USP34: variants seen among roughly 807,000 people sequenced by gnomAD.
USP34 encodes ubiquitin specific peptidase 34, also known as ubiquitin carboxyl-terminal hydrolase 34.
In USP34, 70 loss-of-function variants were observed where a neutral mutation model predicts 460.3. The ratio of observed to expected loss-of-function variants is 0.15; its 90% CI spans 0.13 to 0.19. The LOEUF is 0.19. USP34 is among the 10% of genes least tolerant of loss of function. The probability of loss-of-function intolerance (pLI) is 1.00; values close to 1 mark genes in which losing one functional copy is unlikely to be tolerated. For synonymous variants in USP34, 1,647 were observed against 1,405.3 expected (o/e 1.17, Z -3.85); for missense variants, 3,985 against 4,236.2 (o/e 0.94, Z 1.65).
chr2:61,403,529 A>G (rs975654165), intron 3 of USP34, among the ~76,000 whole-genome samples: 2 of 152,214 alleles, frequency 1.3e-5, no homozygotes, highest in African/African-American at 4.8e-5. Flanking sequence ...TTGTTGAAAA[A>G]AGATTACTTT....
chr2:61,276,708 C>G (rs375491660), intron 41 of USP34, among the ~76,000 whole-genome samples: 3 of 152,222 alleles, frequency 2.0e-5, no homozygotes, highest in African/African-American at 7.2e-5. Flanking sequence ...CTTCAATCAA[C>G]AAGGCTGTAA....
chr2:61,271,259 G>A (rs778969966), intron 41 of USP34, among the ~76,000 whole-genome samples: 4 of 152,134 alleles, frequency 2.6e-5, no homozygotes, highest in Admixed American at 6.5e-5. Context: ...GACCGAGATC[G>A]CACCACTGCA....
intron 6 of USP34, among the ~76,000 whole-genome samples, chr2:61,381,384 G>A (rs545489980): frequency 1.3e-5 from 2 of 151,752 alleles, no homozygotes; most frequent in Admixed American, 6.6e-5. Flanking sequence ...TGTCACTCAC[G>A]CTGGAGTGCA....
intron 58 of USP34, among the ~76,000 whole-genome samples, chr2:61,230,689 A>G (rs1232495956): frequency 6.6e-6 from 1 of 151,922 alleles, no homozygotes; most frequent in Non-Finnish European, 1.5e-5. Context: ...CTAAAAATAC[A>G]AAAAATTAGC....
In USP34 at chr2:61,470,698, G is replaced by C. The variant is rs1248663432; in HGVS notation, c.-6C>G. The C allele has an allele frequency of 1.3e-6, 2 of 1,591,054 alleles. No homozygotes were observed. The highest frequency in any genetic ancestry group is 1.7e-6 in the Non-Finnish European group (2 of 1,169,240). ...TCTGCGCAGTTCTCGCACATCGTTC[G>C]GCCGCCGCCCCCCCCCTCCCCCGCT... On this transcript the variant is annotated 5_prime_UTR_variant, in exon 1 of 80. Transcript: ENST00000398571.
intron 23 of USP34, 128 bp from the exon 24 acceptor site, chr2:61,315,102 T>C: frequency 1.6e-6 from 1 of 644,230 alleles, no homozygotes; most frequent in Admixed American, 3.4e-5. Context: ...TAAAAATAAA[T>C]GATTTAAAAA....
chr2:61,380,650 T>C (rs1429800842), intron 6 of USP34, among the ~76,000 whole-genome samples: 1 of 152,228 alleles, frequency 6.6e-6, no homozygotes, highest in Admixed American at 6.5e-5. Context: ...GCTATTCCTC[T>C]CATCAAAAGG....
intron 75 of USP34, among the ~76,000 whole-genome samples, chr2:61,196,832 T>C (rs1686824532): frequency 6.6e-6 from 1 of 152,160 alleles, no homozygotes; most frequent in Non-Finnish European, 1.5e-5. Flanking sequence ...CACATCCAGC[T>C]AAATATAAAG....
At chr2:61,352,564 G>A (rs1018317160) in intron 10 of USP34, among the ~76,000 whole-genome samples, 2 of 151,716 alleles carry the variant, frequency 1.3e-5, no homozygotes, top group African/African-American at 2.4e-5. Flanking sequence ...CTAAGCTCAA[G>A]TGATCCTCTT....
chr2:61,310,651 T>C (rs1690562569), intron 27 of USP34, among the ~76,000 whole-genome samples: 1 of 150,308 alleles, frequency 6.7e-6, no homozygotes, highest in Non-Finnish European at 1.5e-5. Context: ...ATAAAAGATA[T>C]CAGAAATATA....
rs777545812 is a variant in USP34 at position 61,190,638 on chromosome 2, G to A, written c.9609C>T (p.Cys3203=). ...CAGGATCTTCACACAAAAGCTTGAT[G>A]CAGTTTTTTGACATAGCAGACTAAA... The part of the protein sequence containing the change: ...CQTQSAMSKN[C]IKLLCEDPVF... The change falls in exon 77 of 80, where the codon TGC becomes TGT. Residue 3203 remains cysteine, a synonymous_variant. Transcript: ENST00000398571. 1.7e-5 allele frequency: 27 copies of A among 1,613,786 alleles called. No homozygotes were observed. In the South Asian group the frequency reaches 2.7e-4, roughly 16 times the overall value.
intron 18 of USP34, among the ~76,000 whole-genome samples, chr2:61,335,238 C>T (rs1486134827): frequency 6.6e-6 from 1 of 152,088 alleles, no homozygotes; most frequent in Non-Finnish European, 1.5e-5. Context: ...TAGAATTTCT[C>T]CTATAATGAC....
intron 67 of USP34, among the ~76,000 whole-genome samples, chr2:61,218,158 A>C (rs894368911): frequency 1.4e-5 from 2 of 148,102 alleles, no homozygotes; most frequent in Admixed American, 7.0e-5. Flanking sequence ...TTGGGGGTTC[A>C]GCATAGTTTT....
chr2:61,226,918 A>T (rs1687745403), intron 62 of USP34, 149 bp downstream of exon 62: 1 of 1,002,544 alleles, frequency 1.0e-6, no homozygotes, highest in African/African-American at 1.7e-5. Flanking sequence ...GTATTATTTA[A>T]AAGGATTTAT....
chr2:61,353,152 A>T (rs1436273129), intron 10 of USP34, among the ~76,000 whole-genome samples: 1 of 152,222 alleles, frequency 6.6e-6, no homozygotes, highest in Non-Finnish European at 1.5e-5. Flanking sequence ...ACAGGTGGGC[A>T]GTAAGGACCA....
At chr2:61,195,940 C>T (rs1054951501) in intron 75 of USP34, among the ~76,000 whole-genome samples, 4 of 151,874 alleles carry the variant, frequency 2.6e-5, no homozygotes, top group Non-Finnish European at 4.4e-5. Flanking sequence ...AGGTCTGGCT[C>T]TTATCACCCA....
At chr2:61,231,151 T>A (rs562273934) in intron 58 of USP34, among the ~76,000 whole-genome samples, 1 of 152,168 alleles carries the variant, frequency 6.6e-6, no homozygotes, top group African/African-American at 2.4e-5. Flanking sequence ...AAAAGACTAA[T>A]AGTGTATGAG....
rs76454445 is a variant in USP34 at position 61,286,846 on chromosome 2, G to A, written c.4749+1831C>T. Among the ~76,000 whole-genome samples, 1,475 of 151,954 alleles carry A rather than the reference G, an allele frequency of 9.7e-3. 25 individuals are homozygous for A. Among genetic ancestry groups the A allele is most frequent in the African/African-American group, 0.033 (1,382 of 41,400 alleles). ...AACCTATAAACCTCCATAAACGTGC[G>A]TATTTTACACATACACTTATGTATA... On this transcript the variant is annotated intron_variant, in intron 34 of 79. Transcript: ENST00000398571.
At chr2:61,387,820 T>C (rs1458776833) in intron 5 of USP34, among the ~76,000 whole-genome samples, 1 of 149,326 alleles carries the variant, frequency 6.7e-6, no homozygotes, top group Non-Finnish European at 1.5e-5. Flanking sequence ...TATACACACA[T>C]GTAAAAATAT....
Sources: allele counts gnomAD v4.1 joint callset (sites outside exome capture counted in the v4.1 genomes callset), GRCh38; gene constraint gnomAD v4.1.1; transcripts MANE v1.5; gene names NCBI Gene and HGNC (gene_info 2026-07-23, HGNC 2026-07-21).